INPP5A: variants seen among roughly 807,000 people sequenced by gnomAD.
The protein encoded by INPP5A is inositol polyphosphate-5-phosphatase A.
A neutral mutation model predicts 65.2 loss-of-function variants in INPP5A; 14 were observed. The ratio of observed to expected loss-of-function variants is 0.21; its 90% CI spans 0.14 to 0.34. The LOEUF (loss-of-function observed/expected upper bound fraction) is 0.34. Ranked by LOEUF, INPP5A falls within the 10% of genes least tolerant of loss-of-function variation. The pLI is 1.00. For missense variants in INPP5A, 431 were observed against 545.6 expected (o/e 0.79, Z 2.09); for synonymous variants, 207 against 208.3 (o/e 0.99, Z 0.05).
intron 1 of INPP5A, among the ~76,000 whole-genome samples, chr10:132,544,858 G>A (rs2070949777): frequency 1.3e-5 from 2 of 151,144 alleles, no homozygotes; most frequent in African/African-American, 4.9e-5. Flanking sequence ...TTCATCCCCC[G>A]TTTACTTCCT....
chr10:132,695,423 A>G (rs764254568), intron 5 of INPP5A, among the ~76,000 whole-genome samples: 19 of 152,232 alleles, frequency 1.2e-4, no homozygotes, highest in African/African-American at 3.6e-4. Context: ...TGCTTTTCCT[A>G]TGAGATCAGG....
chr10:132,686,641 C>T (rs1845135009), intron 4 of INPP5A, among the ~76,000 whole-genome samples: 1 of 152,230 alleles, frequency 6.6e-6, no homozygotes, highest in African/African-American at 2.4e-5. Flanking sequence ...CTATGAATTG[C>T]AGTTTCTATC....
At chr10:132,629,568 A>G (rs907795566) in intron 2 of INPP5A, among the ~76,000 whole-genome samples, 5 of 152,256 alleles carry the variant, frequency 3.3e-5, no homozygotes, top group African/African-American at 1.2e-4. Context: ...GGAAGTCTCC[A>G]GTGTGGCTCC....
intron 1 of INPP5A, among the ~76,000 whole-genome samples, chr10:132,598,636 G>T (rs147966611): frequency 6.6e-6 from 1 of 152,308 alleles, no homozygotes; most frequent in South Asian, 2.1e-4. Context: ...TGGACACTTG[G>T]GTTTCTTCCA....
chr10:132,564,196 T>C (rs968521304), intron 1 of INPP5A, among the ~76,000 whole-genome samples: 12 of 151,052 alleles, frequency 7.9e-5, no homozygotes, highest in African/African-American at 3.0e-4. Flanking sequence ...GGCGTGCGCG[T>C]TGTGGGTATG....
chr10:132,590,021 A>G (rs2071598277), intron 1 of INPP5A, among the ~76,000 whole-genome samples: 1 of 152,236 alleles, frequency 6.6e-6, no homozygotes, highest in Non-Finnish European at 1.5e-5. Flanking sequence ...TGGCTCCTGC[A>G]CGGATGGTTT....
intron 3 of INPP5A, among the ~76,000 whole-genome samples, chr10:132,648,660 G>C (rs893137172): frequency 1.6e-4 from 24 of 152,328 alleles, no homozygotes; most frequent in Non-Finnish European, 3.4e-4. Context: ...ATTCTAGCTT[G>C]TCAATTTTTT....
intron 11 of INPP5A, chr10:132,754,073 C>G (rs1399260284): frequency 6.6e-6 from 1 of 152,050 alleles, no homozygotes; most frequent in Non-Finnish European, 1.5e-5. Context: ...CAACAGCCCC[C>G]ATGCCAGCCA....
intron 1 of INPP5A, among the ~76,000 whole-genome samples, chr10:132,597,078 CGTGT>C (rs112483565): frequency 1.1e-4 from 16 of 145,694 alleles, no homozygotes; most frequent in South Asian, 9.2e-4. Context: ...TACGTGTGTG[CGTGT>C]GTGTATGTGT....
chr10:132,538,207 GGAACCCCCGA>G lies in INPP5A; in HGVS notation c.75+37_75+46del, dbSNP rs2070865677. 2 of 1,225,416 alleles carry G rather than the reference GGAACCCCCGA, an allele frequency of 1.6e-6. No homozygotes were observed. The highest frequency in any genetic ancestry group is 6.1e-5 in the South Asian group (2 of 32,926). The allele number at this position is 1,225,416 out of a possible 1,614,324, so 75.9% of individuals were successfully genotyped here. A position where few individuals can be genotyped will look rare whatever the true frequency, so the allele number is the denominator to read the frequency against. ...CGTGCCGGCGGCAGGCCCCAAGCCC[GGAACCCCCGA>G]CCCTGACCCCGGGGTCCCGAACTGC... On this transcript the variant is annotated intron_variant, in intron 1 of 15. Coordinates refer to ENST00000368594, the MANE Select transcript of INPP5A (RefSeq NM_005539.5). The surrounding 1 kb of genome is among the most constrained non-coding windows in gnomAD (Gnocchi z 4.1).
At chr10:132,681,286 C>T (rs1017012411) in intron 4 of INPP5A, among the ~76,000 whole-genome samples, 2 of 152,168 alleles carry the variant, frequency 1.3e-5, no homozygotes, top group African/African-American at 2.4e-5. Context: ...GCAACCCACT[C>T]GGGTCCCCTT....
At position 132,695,808 on chromosome 10, in the gene INPP5A, T is replaced by C. The variant is rs370164035; in HGVS notation, c.371-2008T>C. ...ATCTAACAAATTAATACAAGATCTC[T>C]GTGAGGAAAACTATAAAACTCTGAT... On this transcript the variant is annotated intron_variant, in intron 5 of 15. Transcript: ENST00000368594. Among the ~76,000 whole-genome samples the C allele has an allele frequency of 3.1e-4, 47 of 152,322 alleles. 1 individual carries two copies. In the South Asian group the frequency reaches 8.5e-3, roughly 27 times the overall value.
Position 132,637,789 on chromosome 10 carries a change from G to A in INPP5A, c.118-8079G>A, listed in dbSNP as rs2072376656. ...ATGTGAGGTGGTTTTTCATATTCTC[G>A]ACTGCTTGAGTAGATTTGATTTTAT... is the stretch of plus-strand genomic sequence containing the variant. On this transcript the variant is annotated intron_variant, in intron 2 of 15. Transcript: ENST00000368594. This position sits in a 1 kb window ranked among gnomAD's most constrained non-coding sequence, Gnocchi z 4.1. 1.3e-5 allele frequency among the ~76,000 whole-genome samples: 2 copies of A among 152,036 alleles called. No individual in the cohort carries two copies. Among genetic ancestry groups the A allele is most frequent in the South Asian group, 2.1e-4 (1 of 4,820 alleles).
At chr10:132,703,484 C>A (rs1186128547) in intron 6 of INPP5A, among the ~76,000 whole-genome samples, 1 of 145,132 alleles carries the variant, frequency 6.9e-6, no homozygotes, top group Admixed American at 6.9e-5. Context: ...CGTGGCTTCA[C>A]CCCCCACACA....
chr10:132,711,650 C>T (rs1168212323), intron 8 of INPP5A, among the ~76,000 whole-genome samples: 24 of 152,254 alleles, frequency 1.6e-4, no homozygotes, highest in Admixed American at 1.3e-3. Flanking sequence ...AGCTGCCCTG[C>T]GCCTCGCCCA....
At chr10:132,717,972 T>G (rs1379935870) in intron 8 of INPP5A, among the ~76,000 whole-genome samples, 6 of 102,784 alleles carry the variant, frequency 5.8e-5, no homozygotes, top group Admixed American at 1.1e-4. Context: ...CCTGGGTTCT[T>G]TCTGGGGGCG....
intron 1 of INPP5A, among the ~76,000 whole-genome samples, chr10:132,560,436 T>TC (rs2071188475): frequency 6.6e-6 from 1 of 152,190 alleles, no homozygotes; most frequent in Admixed American, 6.5e-5. Context: ...CTCGTGATTG[T>TC]CCATCTTTTT....
intron 8 of INPP5A, among the ~76,000 whole-genome samples, chr10:132,720,086 C>T (rs1246564671): frequency 1.0e-4 from 15 of 146,806 alleles, no homozygotes; most frequent in East Asian, 6.2e-4. Context: ...GCGCCTTAGA[C>T]GGCTGTCTTG....
intron 1 of INPP5A, among the ~76,000 whole-genome samples, chr10:132,548,843 C>T (rs2071014121): frequency 7.4e-6 from 1 of 134,416 alleles, no homozygotes; most frequent in Admixed American, 8.8e-5. Context: ...TCCACCTAGG[C>T]TGGAGTGCGG....
Sources: allele counts gnomAD v4.1 joint callset (sites outside exome capture counted in the v4.1 genomes callset), GRCh38; gene constraint gnomAD v4.1.1; non-coding constraint Gnocchi (gnomAD v3.1); transcripts MANE v1.5; gene names NCBI Gene and HGNC (gene_info 2026-07-23, HGNC 2026-07-21).